Variants in RALGAPB observed in about 807,000 individuals in gnomAD.
The protein encoded by RALGAPB is ral GTPase-activating protein subunit beta.
A neutral mutation model predicts 161.1 loss-of-function variants in RALGAPB; 25 were observed. The ratio of observed to expected loss-of-function variants is 0.16; its 90% CI spans 0.11 to 0.22. The LOEUF (loss-of-function observed/expected upper bound fraction) is 0.22, where lower values mean the gene tolerates loss of function less well. RALGAPB is among the 10% of genes least tolerant of loss of function. RALGAPB has a pLI of 1.00. For synonymous variants in RALGAPB, 629 were observed against 626.1 expected, an observed-to-expected ratio of 1.00 and a Z score of -0.07; for missense variants, 1,391 against 1,815.2, an observed-to-expected ratio of 0.77 and a Z score of 4.25.
chr20:38,552,350 A>G (rs2087406966), intron 21 of RALGAPB, among the ~76,000 whole-genome samples: 1 of 152,170 alleles, frequency 6.6e-6, no homozygotes, highest in Non-Finnish European at 1.5e-5. Flanking sequence ...CATGTTGGCC[A>G]AGCCGGTCTC....
chr20:38,489,354 AT>A (rs2085210873), intron 2 of RALGAPB, among the ~76,000 whole-genome samples: 1 of 152,028 alleles, frequency 6.6e-6, no homozygotes, highest in Non-Finnish European at 1.5e-5. Context: ...AATTTAAAAA[AT>A]TTTTTTATAG....
intron 17 of RALGAPB, among the ~76,000 whole-genome samples, chr20:38,540,261 C>A: frequency 6.6e-6 from 1 of 152,198 alleles, no homozygotes; most frequent in Middle Eastern, 3.2e-3. Context: ...AGCTAGTAGG[C>A]ACTTTGGTCA....
chr20:38,526,473 T>C (rs1199943401), intron 13 of RALGAPB, among the ~76,000 whole-genome samples: 1 of 152,200 alleles, frequency 6.6e-6, no homozygotes, highest in Non-Finnish European at 1.5e-5. Context: ...GTCTGCACTT[T>C]CGTCCTAGTC....
At chr20:38,483,895 TTTA>T (rs1174892637) in intron 1 of RALGAPB, among the ~76,000 whole-genome samples, 1 of 152,118 alleles carries the variant, frequency 6.6e-6, no homozygotes, top group Non-Finnish European at 1.5e-5. Flanking sequence ...TATTTGTGTG[TTTA>T]AGAGTAGGCT....
At chr20:38,525,676 ATT>A (rs879471251) in intron 12 of RALGAPB, among the ~76,000 whole-genome samples, 158 bp downstream of exon 12, 1 of 146,010 alleles carries the variant, frequency 6.8e-6, no homozygotes, top group African/African-American at 2.5e-5. Context: ...TTGACTTGTG[ATT>A]TTTTTTTTTT....
chr20:38,550,964 A>G (rs2087353631), intron 20 of RALGAPB, 107 bp from the exon 21 acceptor site: 1 of 1,331,380 alleles, frequency 7.5e-7, no homozygotes, highest in African/African-American at 1.5e-5. Flanking sequence ...TTTTTGTGAC[A>G]TGTAATCCTA....
intron 27 of RALGAPB, 39 bp downstream of exon 27, chr20:38,570,035 T>A: frequency 6.6e-7 from 1 of 1,508,696 alleles, no homozygotes; most frequent in Non-Finnish European, 9.2e-7. Flanking sequence ...AAAATGGCAA[T>A]ATATGACAGT....
intron 6 of RALGAPB, among the ~76,000 whole-genome samples, chr20:38,513,165 C>G (rs555902093): frequency 6.6e-6 from 1 of 151,974 alleles, no homozygotes. Flanking sequence ...CTTAGGAGTT[C>G]GAGACCAGCC....
intron 13 of RALGAPB, among the ~76,000 whole-genome samples, chr20:38,530,470 G>T (rs2086619893): frequency 6.6e-6 from 1 of 150,916 alleles, no homozygotes. Context: ...TGCCCACTCT[G>T]GTCTCAAACT....
intron 5 of RALGAPB, among the ~76,000 whole-genome samples, chr20:38,502,648 C>T (rs1040977293): frequency 2.0e-5 from 3 of 152,168 alleles, no homozygotes; most frequent in East Asian, 1.9e-4. Flanking sequence ...TGCAGTGGTG[C>T]GATCTCAGCT....
intron 24 of RALGAPB, 118 bp from the exon 25 acceptor site, chr20:38,565,241 T>A: frequency 2.5e-6 from 3 of 1,206,036 alleles, no homozygotes; most frequent in Non-Finnish European, 2.3e-6. Context: ...TTGGTTCTTG[T>A]TGAAAACATA....
At chr20:38,490,012 T>C (rs889059807) in intron 2 of RALGAPB, among the ~76,000 whole-genome samples, 3 of 131,836 alleles carry the variant, frequency 2.3e-5, no homozygotes, top group Admixed American at 7.3e-5. Context: ...GGAATTATAC[T>C]TTTTTTTTTT....
chr20:38,515,594 C>T (rs2086100739), intron 6 of RALGAPB, among the ~76,000 whole-genome samples: 1 of 151,998 alleles, frequency 6.6e-6, no homozygotes, highest in South Asian at 2.1e-4. Context: ...CAACATAAAA[C>T]TATTAACACT....
chr20:38,573,700 T>C, intron 28 of RALGAPB: 1 of 152,242 alleles, frequency 6.6e-6, no homozygotes, highest in East Asian at 1.9e-4. Context: ...TGTTCCTGCT[T>C]CTCCTCTGGG....
intron 1 of RALGAPB, among the ~76,000 whole-genome samples, chr20:38,481,084 T>G (rs1186522908): frequency 6.6e-6 from 1 of 152,014 alleles, no homozygotes; most frequent in Non-Finnish European, 1.5e-5. Context: ...TTTTCTTACC[T>G]CCATCAAAAT....
At chr20:38,543,465 G>A (rs1294852542) in intron 18 of RALGAPB, among the ~76,000 whole-genome samples, 2 of 152,086 alleles carry the variant, frequency 1.3e-5, no homozygotes, top group Admixed American at 1.3e-4. Context: ...AGCCCTTCTT[G>A]TTCATTTTGT....
In RALGAPB at chr20:38,509,094, A is replaced by G. The variant is rs780040395; in HGVS notation, c.758A>G (p.Tyr253Cys). The change falls in exon 6 of 30, where the codon TAT (tyrosine) becomes TGT (cysteine). Residue 253 changes from tyrosine (Y) to cysteine (C), a missense_variant. Physicochemically the swap from Tyr to Cys is radical, Grantham distance 194 (BLOSUM62 -2). This residue lies in a region of RALGAPB where 946 missense variants were observed against 1,257.2 expected (regional missense o/e 0.75). Transcript: ENST00000262879. The part of the protein sequence containing the change: ...ALTSRLLRFT[Y>C]GPSFPAFKVP... ...TTTTCTAGATTGCTACGCTTTACAT[A>G]TGGTCCTTCATTTCCTGCATTTAAA... 8.1e-6 allele frequency: 13 copies of G among 1,613,536 alleles called. No individual in the cohort carries two copies. Among genetic ancestry groups the G allele is most frequent in the East Asian group, 4.5e-5 (2 of 44,886 alleles).
At chr20:38,560,249 A>G (rs1261150920) in intron 23 of RALGAPB, among the ~76,000 whole-genome samples, 2 of 152,190 alleles carry the variant, frequency 1.3e-5, no homozygotes, top group Non-Finnish European at 2.9e-5. Flanking sequence ...TAAATAAGCA[A>G]ACAACCATTG....
Position 38,562,553 on chromosome 20 carries a change from TC to T in RALGAPB, c.3555del (p.Arg1186GlufsTer8). 6.2e-7 allele frequency: 1 copy of T among 1,611,886 alleles called. No individual in the cohort carries two copies. The highest frequency in any genetic ancestry group is 8.5e-7 in the Non-Finnish European group (1 of 1,178,492). ...TCAGATTTTAAAGAATGTGGAGTCT[TC>T]CAGAACTGTTCAGCCACATTTCCTA... The part of the protein sequence containing the change: ...NQEILKNVES[S>X]RTVQPHFLEF... On this transcript the variant is annotated frameshift_variant, in exon 24 of 30. Transcript: ENST00000262879. LOFTEE classifies it high-confidence loss of function.
Sources: gnomAD v4.1 joint callset for allele counts (sites outside exome capture counted in the v4.1 genomes callset) on GRCh38, gnomAD v4.1.1 for gene constraint, gnomAD v4.1.1 regional missense constraint, MANE v1.5 for transcripts, NCBI Gene and HGNC (gene_info 2026-07-23, HGNC 2026-07-21) for gene names.